The following KCNH8 variants were observed in gnomAD, a reference collection of about 807,000 sequenced individuals.
The protein encoded by KCNH8 is potassium voltage-gated channel subfamily H member 8, also known as voltage-gated delayed rectifier potassium channel KCNH8.
A neutral mutation model predicts 103.6 loss-of-function variants in KCNH8; 70 were observed. The ratio of observed to expected loss-of-function variants is 0.68; its 90% CI spans 0.56 to 0.82. The LOEUF is 0.82. Ranked by LOEUF, KCNH8 falls within the 40% of genes least tolerant of loss-of-function variation. KCNH8 has a pLI of 0.00. For synonymous variants in KCNH8, 498 were observed against 489.4 expected, an observed-to-expected ratio of 1.02 and a Z score of -0.23; for missense variants, 1,217 against 1,329.9, an observed-to-expected ratio of 0.92 and a Z score of 1.32.
chr3:19,382,090 T>C (rs1294678251), intron 5 of KCNH8, among the ~76,000 whole-genome samples: 1 of 152,228 alleles, frequency 6.6e-6, no homozygotes, highest in Non-Finnish European at 1.5e-5. Flanking sequence ...ACAGTATATA[T>C]GCTATTCTTG....
At chr3:19,347,593 T>C in intron 4 of KCNH8, 132 bp from the exon 5 acceptor site, 1 of 1,099,980 alleles carries the variant, frequency 9.1e-7, no homozygotes, top group East Asian at 2.5e-5. Flanking sequence ...TCACCAACTT[T>C]TAAAAGTCAC....
intron 2 of KCNH8, among the ~76,000 whole-genome samples, chr3:19,258,941 C>CTATATATATATATATA (rs1559446903): frequency 1.5e-5 from 1 of 64,526 alleles, no homozygotes; most frequent in Non-Finnish European, 3.1e-5. Flanking sequence ...CTCTCTCTCT[C>CTATATATATATATATA]TCTCTCTATA....
chr3:19,291,745 A>G (rs1026421012), intron 3 of KCNH8, among the ~76,000 whole-genome samples: 2 of 152,178 alleles, frequency 1.3e-5, no homozygotes, highest in African/African-American at 4.8e-5. Flanking sequence ...AGAGTTCTGT[A>G]GATGTCTATT....
chr3:19,456,919 C>A lies in KCNH8; in HGVS notation c.1977C>A (p.His659Gln). The A allele has an allele frequency of 1.2e-6, 2 of 1,612,590 alleles. No individual in the cohort carries two copies. The highest frequency in any genetic ancestry group is 1.7e-6 in the Non-Finnish European group (2 of 1,179,060). The change falls in exon 11 of 16, where the codon CAC becomes CAA. Residue 659 changes from histidine to glutamine, a missense_variant. By Grantham distance (24) the His-to-Gln change is conservative (BLOSUM62 0). Coordinates refer to ENST00000328405, the MANE Select transcript of KCNH8 (RefSeq NM_144633.3). ...EVLDLYPEYA[H>Q]KFVEDIQHDL... ...TAGACCTTTACCCAGAATATGCTCA[C>A]AAATTCGTGGAAGACATTCAGCATG...
At chr3:19,206,748 A>G (rs1242013903) in intron 1 of KCNH8, among the ~76,000 whole-genome samples, 1 of 152,040 alleles carries the variant, frequency 6.6e-6, no homozygotes, top group African/African-American at 2.4e-5. Flanking sequence ...AATTGCCCTA[A>G]GTTGAGAACC....
chr3:19,466,649 A>ATTTTTTTT (rs869048680), intron 11 of KCNH8, among the ~76,000 whole-genome samples: 1 of 50,610 alleles, frequency 2.0e-5, no homozygotes, highest in Non-Finnish European at 3.2e-5. Context: ...GTAGCAATAC[A>ATTTTTTTT]TTTTTTTTTT....
At chr3:19,279,841 G>A (rs1240440316) in intron 2 of KCNH8, among the ~76,000 whole-genome samples, 1 of 152,028 alleles carries the variant, frequency 6.6e-6, no homozygotes, top group Non-Finnish European at 1.5e-5. Flanking sequence ...AGCTGTGTTG[G>A]AAATTATGAG....
chr3:19,503,054 C>G (rs1475778763), intron 11 of KCNH8, among the ~76,000 whole-genome samples: 2 of 151,672 alleles, frequency 1.3e-5, no homozygotes, highest in Admixed American at 1.3e-4. Flanking sequence ...TATCCAGAAT[C>G]TACAATGAAC....
At chr3:19,232,235 A>G (rs1046119281) in intron 1 of KCNH8, among the ~76,000 whole-genome samples, 28 of 152,174 alleles carry the variant, frequency 1.8e-4, no homozygotes, top group African/African-American at 6.5e-4. Context: ...AAATGTCCTA[A>G]TGTAACTTGA....
intron 1 of KCNH8, among the ~76,000 whole-genome samples, chr3:19,181,714 A>G (rs150353720): frequency 6.6e-6 from 1 of 152,322 alleles, no homozygotes; most frequent in East Asian, 1.9e-4. Flanking sequence ...AGATGTTTAT[A>G]GTTTGTCCTC....
At chr3:19,511,671 G>C (rs2068785434) in intron 12 of KCNH8, among the ~76,000 whole-genome samples, 1 of 151,878 alleles carries the variant, frequency 6.6e-6, no homozygotes, top group Admixed American at 6.6e-5. Context: ...GTAACATCAT[G>C]ACTATCCCAG....
At chr3:19,327,245 CATATATGA>C (rs2065436837) in intron 3 of KCNH8, among the ~76,000 whole-genome samples, 4 of 152,124 alleles carry the variant, frequency 2.6e-5, no homozygotes, top group Non-Finnish European at 5.9e-5. Flanking sequence ...GGAAGAAAAG[CATATATGA>C]ATAAGAATGT....
At chr3:19,511,012 T>C (rs1162946284) in intron 12 of KCNH8, among the ~76,000 whole-genome samples, 2 of 152,204 alleles carry the variant, frequency 1.3e-5, no homozygotes, top group Admixed American at 1.3e-4. Flanking sequence ...ATTTTAATTA[T>C]ACTTTAAGTT....
At chr3:19,500,157 G>A (rs897898105) in intron 11 of KCNH8, among the ~76,000 whole-genome samples, 1 of 152,148 alleles carries the variant, frequency 6.6e-6, no homozygotes, top group Non-Finnish European at 1.5e-5. Context: ...TGATAAAACA[G>A]ACTTTAAACC....
chr3:19,499,337 G>C (rs1451670597), intron 11 of KCNH8, among the ~76,000 whole-genome samples: 1 of 152,138 alleles, frequency 6.6e-6, no homozygotes, highest in Admixed American at 6.6e-5. Flanking sequence ...AAGTCACAAG[G>C]AGAATGGAAC....
Position 19,218,581 on chromosome 3 carries a change from T to C in KCNH8, c.77-35073T>C, listed in dbSNP as rs188295807. Among the ~76,000 whole-genome samples the C allele has an allele frequency of 2.4e-3, 370 of 152,358 alleles. 1 individual carries two copies. Among genetic ancestry groups the C allele is most frequent in the African/African-American group, 8.1e-3 (337 of 41,586 alleles). On this transcript the variant is annotated intron_variant, in intron 1 of 15. Coordinates refer to ENST00000328405, the MANE Select transcript of KCNH8 (RefSeq NM_144633.3). ...GTCCCTGCGGTAAGACTCTTCATCATCTGGTCCTTCACTTTCTCTCTGGCC... is the reference window on the plus strand; with the variant it reads ...GTCCCTGCGGTAAGACTCTTCATCACCTGGTCCTTCACTTTCTCTCTGGCC...
At chr3:19,328,145 T>A (rs2125308253) in intron 3 of KCNH8, among the ~76,000 whole-genome samples, 1 of 152,316 alleles carries the variant, frequency 6.6e-6, no homozygotes, top group South Asian at 2.1e-4. Flanking sequence ...GTTCAAAAAA[T>A]GCTTCAAGAT....
chr3:19,506,939 C>T (rs1218063934), intron 11 of KCNH8, among the ~76,000 whole-genome samples: 2 of 152,108 alleles, frequency 1.3e-5, no homozygotes, highest in African/African-American at 2.4e-5. Flanking sequence ...GGTTAAAGCA[C>T]TCATGGTCTT....
At chr3:19,503,020 C>T (rs1275323319) in intron 11 of KCNH8, among the ~76,000 whole-genome samples, 13 of 151,914 alleles carry the variant, frequency 8.6e-5, no homozygotes, top group East Asian at 1.9e-4. Flanking sequence ...ATTTTCGCAA[C>T]GTACTCATCT....
Sources: allele counts gnomAD v4.1 joint callset (sites outside exome capture counted in the v4.1 genomes callset), GRCh38; gene constraint gnomAD v4.1.1; transcripts MANE v1.5; gene names NCBI Gene and HGNC (gene_info 2026-07-23, HGNC 2026-07-21).